SLC4A10: variants seen among roughly 807,000 people sequenced by gnomAD.
The protein encoded by SLC4A10 is solute carrier family 4 member 10, also known as sodium-driven chloride bicarbonate exchanger.
A neutral mutation model predicts 137.7 loss-of-function variants in SLC4A10; 42 were observed. The ratio of observed to expected loss-of-function variants is 0.30; its 90% confidence interval spans 0.24 to 0.39. The LOEUF is 0.39. Ranked by LOEUF, SLC4A10 falls within the 10% of genes least tolerant of loss-of-function variation. The probability of loss-of-function intolerance (pLI) is 1.00; values close to 1 mark genes in which losing one functional copy is unlikely to be tolerated. For synonymous variants in SLC4A10, 474 were observed against 464.1 expected, an observed-to-expected ratio of 1.02 and a Z score of -0.27; for missense variants, 925 against 1,355.0, an observed-to-expected ratio of 0.68 and a Z score of 4.98.
intron 1 of SLC4A10, among the ~76,000 whole-genome samples, chr2:161,638,053 T>G (rs2105461358): frequency 6.6e-6 from 1 of 152,278 alleles, no homozygotes; most frequent in South Asian, 2.1e-4. Flanking sequence ...AGATGCAAGG[T>G]TTGCAAGTGT....
chr2:161,940,705 C>T (rs1217418713), intron 15 of SLC4A10, among the ~76,000 whole-genome samples: 1 of 152,110 alleles, frequency 6.6e-6, no homozygotes, highest in East Asian at 1.9e-4. Context: ...AGGTTGGTAG[C>T]TTCGTGAAAG....
chr2:161,840,875 A>C (rs1165997843), intron 4 of SLC4A10, among the ~76,000 whole-genome samples: 2 of 152,176 alleles, frequency 1.3e-5, no homozygotes, highest in Admixed American at 1.3e-4. Flanking sequence ...GGGTTTGAGA[A>C]CCAAACTTTG....
chr2:161,767,572 A>G (rs556992744), intron 1 of SLC4A10, among the ~76,000 whole-genome samples: 8 of 151,968 alleles, frequency 5.3e-5, no homozygotes, highest in Non-Finnish European at 4.4e-5. Flanking sequence ...GGGGGTTTTA[A>G]TTGTTTTTAA....
At chr2:161,731,842 A>T (rs910835701) in intron 1 of SLC4A10, among the ~76,000 whole-genome samples, 5 of 152,198 alleles carry the variant, frequency 3.3e-5, no homozygotes, top group Non-Finnish European at 5.9e-5. Flanking sequence ...AATTCCCTGA[A>T]TATAGTTTAA....
intron 2 of SLC4A10, among the ~76,000 whole-genome samples, chr2:161,795,553 A>G (rs772860842): frequency 2.6e-5 from 4 of 152,024 alleles, no homozygotes; most frequent in Non-Finnish European, 4.4e-5. Context: ...TATTATTTTT[A>G]TTATTATTAG....
chr2:161,800,217 T>C (rs2055225077), intron 2 of SLC4A10, among the ~76,000 whole-genome samples: 1 of 152,110 alleles, frequency 6.6e-6, no homozygotes, highest in Admixed American at 6.6e-5. Context: ...ATTTTCTCTG[T>C]AGTTCCACAT....
In SLC4A10 at chr2:161,950,833, A is replaced by G. The variant is rs1049709361; in HGVS notation, c.2526A>G (p.Lys842=). 4.4e-6 allele frequency: 7 copies of G among 1,603,326 alleles called. No homozygotes were observed. The highest frequency in any genetic ancestry group is 6.0e-6 in the Non-Finnish European group (7 of 1,174,486). ...TTACAGCTGTCATCATCAACAGGAA[A>G]GAGCATAAGCTAAAGGTATATTTTA... The part of the protein sequence containing the change: ...QQITAVIINR[K]EHKLKKGCGY... The change falls in exon 19 of 27, where the codon AAA becomes AAG. Residue 842 remains lysine (K), a synonymous_variant. Coordinates refer to ENST00000446997, the MANE Select transcript of SLC4A10 (RefSeq NM_001178015.2).
At chr2:161,691,373 A>C (rs1256368008) in intron 1 of SLC4A10, among the ~76,000 whole-genome samples, 1 of 151,874 alleles carries the variant, frequency 6.6e-6, no homozygotes, top group African/African-American at 2.4e-5. Context: ...AAAAAAAAAA[A>C]TAGAAAGAAT....
intron 8 of SLC4A10, 110 bp downstream of exon 8, chr2:161,874,115 C>T: frequency 9.0e-7 from 1 of 1,111,842 alleles, no homozygotes; most frequent in Non-Finnish European, 1.3e-6. Flanking sequence ...ATCTGCCACT[C>T]TAAGAACTAT....
intron 1 of SLC4A10, among the ~76,000 whole-genome samples, chr2:161,699,628 A>T (rs1221957729): frequency 1.3e-5 from 2 of 152,210 alleles, no homozygotes; most frequent in East Asian, 3.9e-4. Context: ...GAAAGACAAG[A>T]TTAAGCCTAA....
At chr2:161,826,072 A>G (rs1379578695) in intron 3 of SLC4A10, among the ~76,000 whole-genome samples, 1 of 152,194 alleles carries the variant, frequency 6.6e-6, no homozygotes, top group East Asian at 1.9e-4. Flanking sequence ...AATTATGTAA[A>G]TGAATTAAAA....
intron 1 of SLC4A10, among the ~76,000 whole-genome samples, chr2:161,702,653 C>A (rs1235618973): frequency 6.6e-6 from 1 of 151,770 alleles, no homozygotes; most frequent in Non-Finnish European, 1.5e-5. Context: ...AAATGACTCC[C>A]TCTCTCTAGG....
intron 1 of SLC4A10, among the ~76,000 whole-genome samples, chr2:161,728,281 A>C (rs2046434829): frequency 6.6e-6 from 1 of 152,202 alleles, no homozygotes. Context: ...CAAAATAAAA[A>C]TATTCAGGCC....
intron 4 of SLC4A10, among the ~76,000 whole-genome samples, chr2:161,840,924 C>A (rs1377693539): frequency 6.6e-6 from 1 of 152,106 alleles, no homozygotes; most frequent in Non-Finnish European, 1.5e-5. Flanking sequence ...AAGAGAGGAT[C>A]AGGGTAGCTT....
chr2:161,954,902 G>A (rs1354132740), intron 19 of SLC4A10, among the ~76,000 whole-genome samples: 2 of 152,010 alleles, frequency 1.3e-5, no homozygotes, highest in Non-Finnish European at 2.9e-5. Flanking sequence ...TCACTATCGC[G>A]ACAAAGATCT....
chr2:161,866,468 A>G, intron 6 of SLC4A10, among the ~76,000 whole-genome samples: 1 of 151,964 alleles, frequency 6.6e-6, no homozygotes, highest in East Asian at 1.9e-4. Flanking sequence ...TGGATTCACC[A>G]TGCATTTTTA....
At chr2:161,771,096 A>G in intron 2 of SLC4A10, 42 bp downstream of exon 2, 1 of 1,364,056 alleles carries the variant, frequency 7.3e-7, no homozygotes, top group Non-Finnish European at 1.0e-6. Context: ...TGTGCTTTCC[A>G]AAAGTATTTC....
intron 1 of SLC4A10, among the ~76,000 whole-genome samples, chr2:161,713,021 G>A (rs886437022): frequency 6.6e-6 from 1 of 151,908 alleles, no homozygotes; most frequent in Non-Finnish European, 1.5e-5. Context: ...TATGAAAGTA[G>A]TGAATGCCAT....
intron 3 of SLC4A10, among the ~76,000 whole-genome samples, chr2:161,820,048 T>C (rs2057485214): frequency 6.6e-6 from 1 of 152,062 alleles, no homozygotes; most frequent in Non-Finnish European, 1.5e-5. Flanking sequence ...GTATAAGAAG[T>C]AGAAATAAAT....
Sources: gnomAD v4.1 joint callset for allele counts (sites outside exome capture counted in the v4.1 genomes callset) on GRCh38, gnomAD v4.1.1 for gene constraint, MANE v1.5 for transcripts, NCBI Gene and HGNC (gene_info 2026-07-23, HGNC 2026-07-21) for gene names.